Variants in MCUB observed in about 807,000 individuals in gnomAD.
MCUB encodes calcium uniporter regulatory subunit MCUb, mitochondrial.
Under a neutral mutation model 41.4 loss-of-function variants are expected in MCUB, and 46 were observed. The observed-to-expected ratio is 1.11, with a 90% CI of 0.88 to 1.42. The LOEUF (loss-of-function observed/expected upper bound fraction) is 1.42, where lower values mean the gene tolerates loss of function less well. Among genes scored for constraint, MCUB ranks in the 40% most tolerant of loss-of-function variants. The pLI is 0.00. For missense variants in MCUB, 403 were observed against 404.9 expected, an observed-to-expected ratio of 1.00 and a Z score of 0.04; for synonymous variants, 148 against 148.2, an observed-to-expected ratio of 1.00 and a Z score of 0.01.
intron 1 of MCUB, among the ~76,000 whole-genome samples, chr4:109,611,771 C>A (rs1034034681): frequency 1.3e-5 from 2 of 152,134 alleles, no homozygotes; most frequent in Non-Finnish European, 2.9e-5. Flanking sequence ...AAGTCCATTT[C>A]TTTTTATTGG....
chr4:109,584,823 T>C (rs1291033625), intron 1 of MCUB, among the ~76,000 whole-genome samples: 1 of 152,194 alleles, frequency 6.6e-6, no homozygotes, highest in East Asian at 1.9e-4. Context: ...AGAGACAGTT[T>C]GTTGTGATTT....
intron 1 of MCUB, among the ~76,000 whole-genome samples, chr4:109,622,760 G>C (rs978440133): frequency 9.8e-5 from 15 of 152,294 alleles, no homozygotes; most frequent in African/African-American, 3.6e-4. Flanking sequence ...TCGACTTTAT[G>C]ATGGTGTGAA....
At chr4:109,671,713 G>A (rs1729463045) in intron 4 of MCUB, among the ~76,000 whole-genome samples, 2 of 152,260 alleles carry the variant, frequency 1.3e-5, no homozygotes, top group Middle Eastern at 3.4e-3. Flanking sequence ...CCATATCAGA[G>A]CCTGGTTCTG....
intron 1 of MCUB, among the ~76,000 whole-genome samples, chr4:109,579,591 G>T (rs1362967239): frequency 6.6e-6 from 1 of 152,148 alleles, no homozygotes; most frequent in Non-Finnish European, 1.5e-5. Context: ...GGTGCTACAT[G>T]TAAGACGTGG....
At chr4:109,664,053 CAG>C (rs1189151131) in intron 3 of MCUB, among the ~76,000 whole-genome samples, 9 of 152,324 alleles carry the variant, frequency 5.9e-5, no homozygotes, top group Admixed American at 6.5e-5. Flanking sequence ...GCACAGCTGA[CAG>C]GGTGGGAGAG....
At chr4:109,652,433 G>A (rs1728981450) in intron 1 of MCUB, among the ~76,000 whole-genome samples, 1 of 152,188 alleles carries the variant, frequency 6.6e-6, no homozygotes. Flanking sequence ...CTTTTGTGCT[G>A]CTGTAACAGA....
rs189715382 is a variant in MCUB, at chr4:109,589,998, T to C, written c.99+29562T>C. Among the ~76,000 whole-genome samples the C allele has an allele frequency of 2.0e-5, 3 of 152,372 alleles. No homozygotes were observed. In the East Asian group the frequency reaches 5.8e-4, roughly 29 times the overall value. ...CAAAAAATTACCATCAACCAATTTG[T>C]CTAGTGGTAAGCTCTCTACGTTGTT... On this transcript the variant is annotated intron_variant, in intron 1 of 7. Transcript: ENST00000394650.
intron 1 of MCUB, among the ~76,000 whole-genome samples, chr4:109,614,954 C>G (rs758594470): frequency 2.0e-5 from 3 of 152,096 alleles, no homozygotes; most frequent in African/African-American, 7.2e-5. Flanking sequence ...GGAAAAGCTA[C>G]AAATCAACCA....
At chr4:109,653,272 A>G (rs1057428403) in intron 1 of MCUB, among the ~76,000 whole-genome samples, 6 of 151,896 alleles carry the variant, frequency 4.0e-5, no homozygotes, top group Non-Finnish European at 8.8e-5. Flanking sequence ...CCAGCTAGTC[A>G]GGAGGCTGAG....
chr4:109,670,131 A>G (rs558441616), intron 4 of MCUB, among the ~76,000 whole-genome samples: 1 of 152,352 alleles, frequency 6.6e-6, no homozygotes, highest in African/African-American at 2.4e-5. Flanking sequence ...ACTGCAGTAA[A>G]TAAGCCTTTT....
In MCUB at chr4:109,563,099, CAA is replaced by C. The variant is rs545480933; in HGVS notation, c.99+2665_99+2666del. Among the ~76,000 whole-genome samples, 21 of 152,322 alleles carry C rather than the reference CAA, an allele frequency of 1.4e-4. No homozygotes were observed. The South Asian group carries it at 4.4e-3, about 32-fold the overall frequency. ...TGGCTCCTGCTGATGTTTCTGTGCA[CAA>C]AGACTCAGCTTTGAGTAATTGTGGT... On this transcript the variant is annotated intron_variant, in intron 1 of 7. Transcript: ENST00000394650.
intron 2 of MCUB, 150 bp from the exon 3 acceptor site, chr4:109,660,045 T>C (rs893551346): frequency 1.0e-5 from 6 of 579,536 alleles, no homozygotes; most frequent in African/African-American, 5.6e-5. Context: ...AACTGTAGTA[T>C]AATGAAGGCA....
chr4:109,587,357 C>T (rs921332953), intron 1 of MCUB, among the ~76,000 whole-genome samples: 8 of 152,196 alleles, frequency 5.3e-5, no homozygotes, highest in South Asian at 4.1e-4. Context: ...TTCTGGGTAC[C>T]GTCTGTCACG....
intron 1 of MCUB, among the ~76,000 whole-genome samples, chr4:109,572,895 G>C (rs1025099842): frequency 1.3e-5 from 2 of 152,094 alleles, no homozygotes; most frequent in African/African-American, 4.8e-5. Flanking sequence ...TGTATTGTCT[G>C]TGGAATATTA....
At chr4:109,605,849 TG>T (rs945343091) in intron 1 of MCUB, among the ~76,000 whole-genome samples, 23 of 152,160 alleles carry the variant, frequency 1.5e-4, no homozygotes, top group Admixed American at 5.9e-4. Flanking sequence ...ACTCCTTTTT[TG>T]GGGGGGTTCC....
intron 1 of MCUB, among the ~76,000 whole-genome samples, chr4:109,623,486 G>A (rs1268483242): frequency 6.6e-6 from 1 of 152,180 alleles, no homozygotes; most frequent in African/African-American, 2.4e-5. Context: ...TATTGAATGT[G>A]TCAAAGCTTT....
rs540374686 is a variant in MCUB, at chr4:109,598,122, G to A, written c.99+37686G>A. 2.7e-5 allele frequency among the ~76,000 whole-genome samples: 4 copies of A among 148,740 alleles called. No homozygotes were observed. The East Asian group carries it at 8.1e-4, about 30-fold the overall frequency. ...CCTCACTTCCCAGACTGGGCAGCCA[G>A]GCAGAGGGGCTCCTCACATCCCAGA... On this transcript the variant is annotated intron_variant, in intron 1 of 7. Coordinates refer to ENST00000394650, the MANE Select transcript of MCUB (RefSeq NM_017918.5).
intron 1 of MCUB, among the ~76,000 whole-genome samples, chr4:109,625,012 T>C (rs7676806): frequency 0.72 from 109,292 of 151,822 alleles, 39,634 homozygotes; most frequent in African/African-American, 0.79. Context: ...TGGTGGAGCA[T>C]GCCTGTAGTC....
At chr4:109,608,430 C>G (rs1288766327) in intron 1 of MCUB, among the ~76,000 whole-genome samples, 1 of 152,030 alleles carries the variant, frequency 6.6e-6, no homozygotes, top group Non-Finnish European at 1.5e-5. Context: ...TCATGTTTTC[C>G]TGGATGGTCT....
Sources: allele counts gnomAD v4.1 joint callset (sites outside exome capture counted in the v4.1 genomes callset), GRCh38; gene constraint gnomAD v4.1.1; transcripts MANE v1.5; gene names NCBI Gene and HGNC (gene_info 2026-07-23, HGNC 2026-07-21).